RBFOX1: variants seen among roughly 807,000 people sequenced by gnomAD.
RBFOX1 encodes RNA binding fox-1 homolog 1, also known as RNA binding protein fox-1 homolog 1.
Under a neutral mutation model 57.7 loss-of-function variants are expected in RBFOX1, and 8 were observed. The ratio of observed to expected loss-of-function variants is 0.14; its 90% CI spans 0.08 to 0.25. RBFOX1 has a LOEUF of 0.25. Ranked by LOEUF, RBFOX1 falls within the 10% of genes least tolerant of loss-of-function variation. The probability of loss-of-function intolerance (pLI) is 1.00; values close to 1 mark genes in which losing one functional copy is unlikely to be tolerated. For synonymous variants in RBFOX1, 326 were observed against 222.4 expected (o/e 1.47, Z -4.15); for missense variants, 611 against 548.5 (o/e 1.11, Z -1.14).
intron 3 of RBFOX1, among the ~76,000 whole-genome samples, chr16:6,995,139 A>G (rs1333446335): frequency 6.6e-6 from 1 of 152,156 alleles, no homozygotes; most frequent in African/African-American, 2.4e-5. Context: ...AATTTAGGCT[A>G]ATATCTCAAT....
intron 2 of RBFOX1, among the ~76,000 whole-genome samples, chr16:6,636,835 T>C (rs1355505802): frequency 6.6e-5 from 4 of 60,960 alleles, no homozygotes; most frequent in Non-Finnish European, 1.1e-4. Context: ...ATGTTATATA[T>C]AATATATAAT....
intron 3 of RBFOX1, among the ~76,000 whole-genome samples, chr16:5,770,392 A>T (rs1253824764): frequency 6.6e-6 from 1 of 152,184 alleles, no homozygotes; most frequent in African/African-American, 2.4e-5. Context: ...CCATGGTAAC[A>T]CCTGGAAGTT....
At chr16:5,404,660 C>T (rs563462400) in intron 1 of RBFOX1, among the ~76,000 whole-genome samples, 3 of 152,316 alleles carry the variant, frequency 2.0e-5, no homozygotes, top group Non-Finnish European at 2.9e-5. Flanking sequence ...CTATTCTGTG[C>T]ACAGATGCTG....
intron 3 of RBFOX1, among the ~76,000 whole-genome samples, chr16:6,835,747 C>T (rs1437029919): frequency 1.0e-5 from 1 of 99,006 alleles, no homozygotes; most frequent in East Asian, 3.0e-4. Context: ...GAGTAAGACT[C>T]TGCTTAAAAA....
chr16:5,973,922 C>G (rs2060011725), intron 4 of RBFOX1, among the ~76,000 whole-genome samples: 1 of 152,214 alleles, frequency 6.6e-6, no homozygotes, highest in African/African-American at 2.4e-5. Context: ...TGAATGGACT[C>G]TGGCATCAGG....
intron 2 of RBFOX1, among the ~76,000 whole-genome samples, chr16:5,527,965 C>G (rs528299156): frequency 6.6e-6 from 1 of 152,140 alleles, no homozygotes; most frequent in African/African-American, 2.4e-5. Flanking sequence ...GTGTGAATTG[C>G]CTGTCAGGAT....
intron 2 of RBFOX1, among the ~76,000 whole-genome samples, chr16:5,510,460 A>G (rs2043543470): frequency 1.3e-5 from 2 of 151,696 alleles, no homozygotes; most frequent in African/African-American, 4.9e-5. Context: ...ATGGCCTCTC[A>G]AAGCCAAGTC....
At chr16:7,351,363 G>C (rs966608845) in intron 4 of RBFOX1, among the ~76,000 whole-genome samples, 1 of 152,354 alleles carries the variant, frequency 6.6e-6, no homozygotes, top group South Asian at 2.1e-4. Context: ...CTTTAGACAT[G>C]TATTAATCAC....
At chr16:7,358,177 T>G (rs889408496) in intron 4 of RBFOX1, among the ~76,000 whole-genome samples, 1 of 152,228 alleles carries the variant, frequency 6.6e-6, no homozygotes, top group African/African-American at 2.4e-5. Flanking sequence ...TCCTATTGGA[T>G]ATGCAGAAGC....
At chr16:7,676,701 G>A in intron 13 of RBFOX1, 73 bp from the exon 14 acceptor site, 2 of 1,286,532 alleles carry the variant, frequency 1.6e-6, no homozygotes, top group South Asian at 1.2e-5. Context: ...CTGCTCTGGT[G>A]TGGTCTTGCC....
intron 3 of RBFOX1, among the ~76,000 whole-genome samples, chr16:6,932,792 G>A (rs890415009): frequency 6.6e-6 from 1 of 152,282 alleles, no homozygotes; most frequent in Non-Finnish European, 1.5e-5. Flanking sequence ...CAGTTTGGAG[G>A]CATTAAATAT....
chr16:6,160,604 G>T (rs1309533019), intron 1 of RBFOX1, among the ~76,000 whole-genome samples: 1 of 152,090 alleles, frequency 6.6e-6, no homozygotes, highest in Non-Finnish European at 1.5e-5. Context: ...TTAAATGCAC[G>T]CATCTTCTCC....
chr16:7,510,173 A>C lies in RBFOX1; in HGVS notation c.28-7974A>C, dbSNP rs890715700. ...CGGCCTCAGCCCCCCACCTTCCTCAACACCCCGATCATCCACACATTGCAC... is the reference window on the plus strand; with the variant it reads ...CGGCCTCAGCCCCCCACCTTCCTCACCACCCCGATCATCCACACATTGCAC... On this transcript the variant is annotated intron_variant, in intron 4 of 15. Transcript: ENST00000550418. 6.1e-6 allele frequency: 6 copies of C among 985,612 alleles called. No individual in the cohort carries two copies. In the South Asian group the frequency reaches 2.3e-4, roughly 39 times the overall value. 61.1% of individuals were successfully genotyped at this position (985,612 alleles called of 1,614,324 possible). A position where few individuals can be genotyped will look rare whatever the true frequency, so the allele number is the denominator to read the frequency against.
At chr16:6,658,998 A>T (rs1176523061) in intron 3 of RBFOX1, among the ~76,000 whole-genome samples, 1 of 150,660 alleles carries the variant, frequency 6.6e-6, no homozygotes, top group Non-Finnish European at 1.5e-5. Flanking sequence ...CAGATTTAGC[A>T]AAGGTGACGG....
intron 3 of RBFOX1, among the ~76,000 whole-genome samples, chr16:6,870,797 A>G (rs1351469460): frequency 6.6e-6 from 1 of 152,212 alleles, no homozygotes. Flanking sequence ...CTAGCAACTA[A>G]TTTATGAGGC....
chr16:6,712,762 C>T (rs890055121), intron 3 of RBFOX1, among the ~76,000 whole-genome samples: 2 of 152,052 alleles, frequency 1.3e-5, no homozygotes, highest in South Asian at 2.1e-4. Context: ...ATAAAATATT[C>T]CACTTACCAG....
chr16:6,807,061 T>G (rs1032597702), intron 3 of RBFOX1, among the ~76,000 whole-genome samples: 9 of 151,782 alleles, frequency 5.9e-5, no homozygotes, highest in African/African-American at 1.9e-4. Flanking sequence ...CTTGAACTCC[T>G]GACCTCAAGT....
chr16:6,821,049 T>C (rs2091209462), intron 3 of RBFOX1, among the ~76,000 whole-genome samples: 1 of 152,216 alleles, frequency 6.6e-6, no homozygotes, highest in Non-Finnish European at 1.5e-5. Context: ...AACAGATTCC[T>C]ATATATTTCC....
At chr16:5,265,611 G>A (rs116017119) in intron 1 of RBFOX1, among the ~76,000 whole-genome samples, 1 of 152,220 alleles carries the variant, frequency 6.6e-6, no homozygotes, top group Non-Finnish European at 1.5e-5. Flanking sequence ...AGGAGGTAGA[G>A]CTTGCTTTGA....
Sources: allele counts gnomAD v4.1 joint callset (sites outside exome capture counted in the v4.1 genomes callset), GRCh38; gene constraint gnomAD v4.1.1; transcripts MANE v1.5; gene names NCBI Gene and HGNC (gene_info 2026-07-23, HGNC 2026-07-21).